Variants in WDFY4 observed in about 807,000 individuals in gnomAD.
WDFY4 encodes the protein WD repeat- and FYVE domain-containing protein 4.
A neutral mutation model predicts 351.9 loss-of-function variants in WDFY4; 169 were observed. The observed-to-expected ratio is 0.48, with a 90% CI of 0.42 to 0.55. The LOEUF (loss-of-function observed/expected upper bound fraction) is 0.55, where lower values mean the gene tolerates loss of function less well. WDFY4 is among the 20% of genes least tolerant of loss of function. The pLI is 0.00. For synonymous variants in WDFY4, 1,622 were observed against 1,574.6 expected (o/e 1.03, Z -0.71); for missense variants, 3,803 against 3,935.6 (o/e 0.97, Z 0.90).
In WDFY4 at chr10:48,877,066, C is replaced by A; in HGVS notation, c.7034C>A (p.Pro2345Gln). 6.6e-7 allele frequency: 1 copy of A among 1,518,220 alleles called. No individual in the cohort carries two copies. The allele number at this position is 1,518,220 out of a possible 1,614,324, so 94.0% of individuals were successfully genotyped here. A position where few individuals can be genotyped will look rare whatever the true frequency, so the allele number is the denominator to read the frequency against. ...ELTLREAEGEPDEVGVDCTQL... is the reference protein window; with the variant it reads ...ELTLREAEGEQDEVGVDCTQL... ...ACACTGAGGGAGGCTGAGGGCGAGC[C>A]GGACGAGGTGGGGGTGGACTGCACC... The change falls in exon 43 of 62, where the codon CCG becomes CAG. Residue 2345 changes from proline (P) to glutamine (Q), a missense_variant. Pro to Gln is a moderately conservative substitution (Grantham distance 76). Transcript: ENST00000325239.
intron 13 of WDFY4, among the ~76,000 whole-genome samples, chr10:48,766,391 A>T (rs1394410474): frequency 6.6e-6 from 1 of 152,174 alleles, no homozygotes; most frequent in Non-Finnish European, 1.5e-5. Context: ...AGAAGTTTGA[A>T]ACCAGCTTAG....
chr10:48,929,191 T>G (rs973806578), intron 47 of WDFY4, among the ~76,000 whole-genome samples: 2 of 151,638 alleles, frequency 1.3e-5, no homozygotes, highest in Non-Finnish European at 2.9e-5. Context: ...AAAAGTCTCT[T>G]TGCAGAGAGG....
At chr10:48,952,113 C>A (rs1287098069) in intron 51 of WDFY4, among the ~76,000 whole-genome samples, 1 of 152,100 alleles carries the variant, frequency 6.6e-6, no homozygotes, top group Non-Finnish European at 1.5e-5. Flanking sequence ...GACTTAGAAG[C>A]TCCTGGAGGG....
At chr10:48,795,491 GTATATATATATATA>G (rs60705301) in intron 23 of WDFY4, among the ~76,000 whole-genome samples, 2 of 101,240 alleles carry the variant, frequency 2.0e-5, no homozygotes, top group Non-Finnish European at 3.7e-5. Flanking sequence ...GTGTGTGTCT[GTATATATATATATA>G]TATATATATA....
intron 48 of WDFY4, 80 bp from the exon 49 acceptor site, chr10:48,943,250 C>T (rs567349805): frequency 1.7e-5 from 25 of 1,498,130 alleles, no homozygotes; most frequent in Middle Eastern, 1.9e-4. Flanking sequence ...GGCCTGCTGC[C>T]GAGGCCTGAG....
At chr10:48,892,001 C>T (rs760920431) in intron 44 of WDFY4, among the ~76,000 whole-genome samples, 16 of 152,158 alleles carry the variant, frequency 1.1e-4, no homozygotes, top group Admixed American at 2.6e-4. Context: ...AAATGTTCAC[C>T]GATTGCTGTG....
intron 24 of WDFY4, among the ~76,000 whole-genome samples, chr10:48,800,730 C>CTTTTTTT (rs57288777): frequency 1.7e-4 from 16 of 92,790 alleles, no homozygotes; most frequent in Non-Finnish European, 2.9e-4. Context: ...TTCATTCTTT[C>CTTTTTTT]TTTTTTTTTT....
chr10:48,796,823 G>A (rs879510385), intron 24 of WDFY4, among the ~76,000 whole-genome samples: 1 of 152,204 alleles, frequency 6.6e-6, no homozygotes, highest in Admixed American at 6.5e-5. Flanking sequence ...TTTGGGTGGT[G>A]CTTTGCTGTT....
intron 47 of WDFY4, among the ~76,000 whole-genome samples, chr10:48,924,425 A>C (rs1276619331): frequency 6.6e-6 from 1 of 152,244 alleles, no homozygotes; most frequent in African/African-American, 2.4e-5. Flanking sequence ...TAAGAGTGGG[A>C]TCAACCCACA....
At chr10:48,913,204 G>A (rs572968358) in intron 47 of WDFY4, among the ~76,000 whole-genome samples, 7 of 152,276 alleles carry the variant, frequency 4.6e-5, no homozygotes, top group East Asian at 1.9e-4. Flanking sequence ...GTGTGGAATG[G>A]CAAGGAATCA....
At chr10:48,755,449 C>A (rs372094503) in intron 12 of WDFY4, among the ~76,000 whole-genome samples, 3 of 152,108 alleles carry the variant, frequency 2.0e-5, no homozygotes, top group Non-Finnish European at 4.4e-5. Flanking sequence ...CTTTGCCTGA[C>A]GGCCATGAAG....
chr10:48,869,413 C>T (rs1000607646), intron 40 of WDFY4, among the ~76,000 whole-genome samples: 1 of 152,210 alleles, frequency 6.6e-6, no homozygotes, highest in Non-Finnish European at 1.5e-5. Flanking sequence ...TGAGAGGTGA[C>T]TGGAGATGGC....
chr10:48,787,980 TCTTCTC>T (rs1476322566), intron 20 of WDFY4, among the ~76,000 whole-genome samples: 867 of 52,818 alleles, frequency 0.016, 17 homozygotes, highest in African/African-American at 0.035. Context: ...TTCTTCTTCT[TCTTCTC>T]CTTCTCCTTC....
chr10:48,813,934 A>T (rs1393592220), intron 30 of WDFY4, 23 bp from the exon 31 acceptor site: 5 of 1,513,680 alleles, frequency 3.3e-6, no homozygotes, highest in Non-Finnish European at 4.4e-6. Context: ...AGGTCTGCTT[A>T]CAGCTCCTGC....
intron 33 of WDFY4, among the ~76,000 whole-genome samples, chr10:48,820,728 G>A (rs2067794408): frequency 1.3e-5 from 2 of 152,132 alleles, no homozygotes; most frequent in African/African-American, 4.8e-5. Flanking sequence ...AGGAGGTGAA[G>A]CTAGCCCAGA....
At chr10:48,833,171 G>GAGAA (rs1423773991) in intron 39 of WDFY4, among the ~76,000 whole-genome samples, 2 of 75,398 alleles carry the variant, frequency 2.7e-5, no homozygotes, top group Non-Finnish European at 6.4e-5. Flanking sequence ...GTGTGTGTGT[G>GAGAA]TGAGAGAGAG....
chr10:48,795,520 TATACATATATATATAC>T lies in WDFY4; in HGVS notation c.4258-776_4258-761del, dbSNP rs1331302456. 1.1e-4 allele frequency among the ~76,000 whole-genome samples: 9 copies of T among 85,532 alleles called. 1 individual carries two copies. Among genetic ancestry groups the T allele is most frequent in the East Asian group, 7.0e-4 (1 of 1,424 alleles). 56.1% of individuals were successfully genotyped at this position (85,532 alleles called of 152,430 possible). On this transcript the variant is annotated intron_variant, in intron 23 of 61. Transcript: ENST00000325239. ...ATATATATATATATATATATATATA[TATACATATATATATAC>T]ACACACATGAATAGTCTGGAAAGAT... is the stretch of plus-strand genomic sequence containing the variant.
At chr10:48,979,654 G>GATGGATGA (rs1257412785) in intron 60 of WDFY4, 1 of 152,162 alleles carries the variant, frequency 6.6e-6, no homozygotes, top group Non-Finnish European at 1.5e-5. Flanking sequence ...TGGGTGGATG[G>GATGGATGA]ATGGATGAAT....
intron 39 of WDFY4, among the ~76,000 whole-genome samples, chr10:48,853,870 G>T (rs2069039570): frequency 6.6e-6 from 1 of 152,122 alleles, no homozygotes; most frequent in Non-Finnish European, 1.5e-5. Context: ...AAAGCCAGGT[G>T]TGGGGTTTAT....
Sources: allele counts gnomAD v4.1 joint callset (sites outside exome capture counted in the v4.1 genomes callset), GRCh38; gene constraint gnomAD v4.1.1; transcripts MANE v1.5; gene names NCBI Gene and HGNC (gene_info 2026-07-23, HGNC 2026-07-21).